Variants in NKAIN3 observed in about 807,000 individuals in gnomAD.
NKAIN3 encodes sodium/potassium-transporting ATPase subunit beta-1-interacting protein 3.
Under a neutral mutation model 30.2 loss-of-function variants are expected in NKAIN3, and 25 were observed. The observed-to-expected ratio is 0.83, with a 90% CI of 0.60 to 1.16. The LOEUF (loss-of-function observed/expected upper bound fraction) is 1.16, where lower values mean the gene tolerates loss of function less well. Ranked by LOEUF, NKAIN3 falls within the 50% of genes most tolerant of loss-of-function variation. The pLI is 0.00. For synonymous variants in NKAIN3, 91 were observed against 89.6 expected (o/e 1.02, Z -0.09); for missense variants, 225 against 254.1 (o/e 0.89, Z 0.78).
chr8:62,346,047 A>G (rs964548175), intron 1 of NKAIN3, among the ~76,000 whole-genome samples: 1 of 152,076 alleles, frequency 6.6e-6, no homozygotes. Flanking sequence ...ACAGTAGAAT[A>G]GTTGTTACCA....
At chr8:62,359,544 G>A (rs1408978010) in intron 1 of NKAIN3, among the ~76,000 whole-genome samples, 1 of 152,164 alleles carries the variant, frequency 6.6e-6, no homozygotes, top group Non-Finnish European at 1.5e-5. Context: ...AAGGGAAGAG[G>A]ACAGATAGAG....
intron 3 of NKAIN3, among the ~76,000 whole-genome samples, chr8:62,733,433 C>A (rs1052160617): frequency 6.6e-6 from 1 of 152,106 alleles, no homozygotes; most frequent in African/African-American, 2.4e-5. Context: ...AGATATATAT[C>A]TATACGTATA....
At chr8:62,634,366 T>G (rs1212091868) in intron 3 of NKAIN3, among the ~76,000 whole-genome samples, 1 of 152,146 alleles carries the variant, frequency 6.6e-6, no homozygotes, top group East Asian at 1.9e-4. Context: ...CACACATGAT[T>G]ACATTTCTTT....
chr8:62,756,126 G>A (rs1030941410), intron 4 of NKAIN3, among the ~76,000 whole-genome samples: 5 of 152,132 alleles, frequency 3.3e-5, no homozygotes, highest in African/African-American at 1.2e-4. Context: ...TCATTTTAAA[G>A]TGTACAATTC....
At chr8:62,719,882 G>C (rs547723470) in intron 3 of NKAIN3, among the ~76,000 whole-genome samples, 1 of 147,512 alleles carries the variant, frequency 6.8e-6, no homozygotes, top group Non-Finnish European at 1.5e-5. Flanking sequence ...TCAGCCTCCC[G>C]AGTAGCTGGG....
At chr8:62,363,446 C>G (rs1395508720) in intron 1 of NKAIN3, among the ~76,000 whole-genome samples, 1 of 152,068 alleles carries the variant, frequency 6.6e-6, no homozygotes, top group African/African-American at 2.4e-5. Context: ...CCTGGACATT[C>G]CGCCTTTCTC....
At chr8:62,660,498 ATTAG>A (rs1252766833) in intron 3 of NKAIN3, among the ~76,000 whole-genome samples, 1 of 151,884 alleles carries the variant, frequency 6.6e-6, no homozygotes, top group South Asian at 2.1e-4. Flanking sequence ...CTGGTGTTAT[ATTAG>A]TAGAGACGAA....
rs149682095 is a variant in NKAIN3 at position 62,659,429 on chromosome 8, G to A, written c.273+69635G>A. 3.3e-3 allele frequency among the ~76,000 whole-genome samples: 502 copies of A among 152,316 alleles called. 5 individuals carry two copies. The highest frequency in any genetic ancestry group is 0.011 in the African/African-American group (476 of 41,558). ...AAGGATTAAATGGGATGAGCCATGA[G>A]AAATACCTTAGAGCCTTACATACAT... On this transcript the variant is annotated intron_variant, in intron 3 of 6. Coordinates refer to ENST00000623646, the MANE Select transcript of NKAIN3 (RefSeq NM_001304533.3).
intron 4 of NKAIN3, among the ~76,000 whole-genome samples, chr8:62,751,717 A>C (rs147180205): frequency 0.011 from 1,717 of 152,260 alleles, 12 homozygotes; most frequent in Non-Finnish European, 0.017. Context: ...CTATGTGTGC[A>C]TATATATACT....
At chr8:62,622,842 T>C (rs929915457) in intron 3 of NKAIN3, among the ~76,000 whole-genome samples, 3 of 152,054 alleles carry the variant, frequency 2.0e-5, no homozygotes, top group Admixed American at 2.0e-4. Flanking sequence ...AACTCTTTGC[T>C]AGCTCTAAAT....
intron 1 of NKAIN3, among the ~76,000 whole-genome samples, chr8:62,487,420 G>C (rs1009824495): frequency 6.6e-6 from 1 of 152,178 alleles, no homozygotes; most frequent in Admixed American, 6.5e-5. Flanking sequence ...CGGAGAGAAA[G>C]AGATAAGGGC....
chr8:62,415,460 C>A (rs905222431), intron 1 of NKAIN3, among the ~76,000 whole-genome samples: 1 of 149,562 alleles, frequency 6.7e-6, no homozygotes, highest in African/African-American at 2.4e-5. Context: ...TGTCAAGAAG[C>A]TGAGCATCTT....
At chr8:62,413,733 A>G (rs1036501380) in intron 1 of NKAIN3, among the ~76,000 whole-genome samples, 1 of 152,190 alleles carries the variant, frequency 6.6e-6, no homozygotes, top group Non-Finnish European at 1.5e-5. Flanking sequence ...GTACATTTTA[A>G]TAAATAAAAG....
intron 3 of NKAIN3, among the ~76,000 whole-genome samples, chr8:62,645,079 T>C (rs1812420362): frequency 1.3e-5 from 2 of 152,082 alleles, no homozygotes. Flanking sequence ...ATCGCAGTGG[T>C]CTCTTGATGA....
At chr8:62,713,699 AACAGAT>A (rs2130499873) in intron 3 of NKAIN3, among the ~76,000 whole-genome samples, 1 of 152,318 alleles carries the variant, frequency 6.6e-6, no homozygotes, top group South Asian at 2.1e-4. Flanking sequence ...TCAAATCAAG[AACAGAT>A]TGAAGTAAAC....
At chr8:62,562,542 T>G (rs1049505152) in intron 1 of NKAIN3, among the ~76,000 whole-genome samples, 1 of 152,142 alleles carries the variant, frequency 6.6e-6, no homozygotes, top group Non-Finnish European at 1.5e-5. Context: ...TTTCCCAGGA[T>G]ATGAACAGAA....
intron 1 of NKAIN3, among the ~76,000 whole-genome samples, chr8:62,317,077 T>G (rs537055493): frequency 6.6e-6 from 1 of 152,358 alleles, no homozygotes; most frequent in African/African-American, 2.4e-5. Flanking sequence ...ATGTCTTCTT[T>G]TGAGAAGTGT....
At position 62,944,059 on chromosome 8, in the gene NKAIN3, ATACTGCTT is replaced by A. The variant is rs1563639425; in HGVS notation, c.533-9842_533-9835del. 5.9e-5 allele frequency among the ~76,000 whole-genome samples: 9 copies of A among 152,180 alleles called. 1 individual carries two copies. In the South Asian group the frequency reaches 1.9e-3, roughly 31 times the overall value. On this transcript the variant is annotated intron_variant, in intron 5 of 6. Coordinates refer to ENST00000623646, the MANE Select transcript of NKAIN3 (RefSeq NM_001304533.3). ...AACGACTACACATTGGGCACAGTGT[ATACTGCTT>A]GGGTGATGGGTGCACCAAAATCTCA...
intron 1 of NKAIN3, among the ~76,000 whole-genome samples, chr8:62,352,077 A>G (rs928117043): frequency 6.6e-6 from 1 of 152,204 alleles, no homozygotes; most frequent in Non-Finnish European, 1.5e-5. Flanking sequence ...GGTTGAAACT[A>G]AAGGATCAGC....
Sources: gnomAD v4.1 joint callset for allele counts (sites outside exome capture counted in the v4.1 genomes callset) on GRCh38, gnomAD v4.1.1 for gene constraint, MANE v1.5 for transcripts, NCBI Gene and HGNC (gene_info 2026-07-23, HGNC 2026-07-21) for gene names.